The following NDC80 variants were observed in gnomAD, a reference collection of about 807,000 sequenced individuals.
NDC80 encodes kinetochore protein NDC80 homolog.
In NDC80, 69 loss-of-function variants were observed where a neutral mutation model predicts 89.3. The observed-to-expected ratio is 0.77, with a 90% CI of 0.64 to 0.94. The LOEUF is 0.94. Ranked by LOEUF, NDC80 falls within the 40% of genes least tolerant of loss-of-function variation. The probability of loss-of-function intolerance (pLI) is 0.00; values close to 1 mark genes in which losing one functional copy is unlikely to be tolerated. For missense variants in NDC80, 593 were observed against 739.6 expected, an observed-to-expected ratio of 0.80 and a Z score of 2.30; for synonymous variants, 243 against 255.6, an observed-to-expected ratio of 0.95 and a Z score of 0.47.
At chr18:2,607,425 A>G (rs1207841550) in intron 14 of NDC80, among the ~76,000 whole-genome samples, 2 of 152,156 alleles carry the variant, frequency 1.3e-5, no homozygotes, top group African/African-American at 4.8e-5. Flanking sequence ...GCTCATGGGA[A>G]AAAATCTTAA....
At chr18:2,601,626 C>T (rs1245363247) in intron 13 of NDC80, 141 bp downstream of exon 13, 15 of 392,070 alleles carry the variant, frequency 3.8e-5, no homozygotes, top group Non-Finnish European at 6.6e-5. Context: ...GGTATGCTCT[C>T]GACAGAAATA....
chr18:2,583,426 C>T (rs562399664), intron 6 of NDC80, among the ~76,000 whole-genome samples: 8 of 152,274 alleles, frequency 5.3e-5, no homozygotes, highest in African/African-American at 1.9e-4. Context: ...GTTGGCCGGG[C>T]GCAGTAGCTC....
intron 7 of NDC80, among the ~76,000 whole-genome samples, chr18:2,587,137 A>C (rs1440867948): frequency 1.3e-5 from 2 of 152,244 alleles, no homozygotes; most frequent in African/African-American, 4.8e-5. Flanking sequence ...GCAATGAATT[A>C]GCACAAAGGG....
At chr18:2,583,936 T>G (rs1184231275) in intron 6 of NDC80, among the ~76,000 whole-genome samples, 1 of 152,270 alleles carries the variant, frequency 6.6e-6, no homozygotes, top group Middle Eastern at 3.4e-3. Flanking sequence ...CGCATAGTCC[T>G]TTTCTTAGAA....
In NDC80 at chr18:2,616,581, AAT is replaced by A; in HGVS notation, c.*8_*9del. The A allele has an allele frequency of 7.3e-7, 1 of 1,360,890 alleles. No homozygotes were observed. The allele number at this position is 1,360,890 out of a possible 1,614,324, so 84.3% of individuals were successfully genotyped here. ...TAAGTCTTCTGAAGAATGAAGATAA[AAT>A]GTTGATCATGTATATATATCCATAG... On this transcript the variant is annotated 3_prime_UTR_variant, in exon 17 of 17. Transcript: ENST00000261597.
intron 10 of NDC80, among the ~76,000 whole-genome samples, chr18:2,594,034 C>G (rs2072641228): frequency 6.6e-6 from 1 of 152,200 alleles, no homozygotes; most frequent in South Asian, 2.1e-4. Context: ...ACCCGAGTAG[C>G]TGGGATTACA....
chr18:2,593,798 G>GT lies in NDC80; in HGVS notation c.1016-1614dup, dbSNP rs766382805. 104 of 262,702 alleles carry GT rather than the reference G, an allele frequency of 4.0e-4. No individual in the cohort carries two copies. In the Middle Eastern group the frequency reaches 4.2e-3, roughly 11 times the overall value. 16.3% of individuals were successfully genotyped at this position (262,702 alleles called of 1,614,324 possible). A position where few individuals can be genotyped will look rare whatever the true frequency, so the allele number is the denominator to read the frequency against. ...TGGATTTCCTACAATCCACTTATTT[G>GT]TTTTAAAACAGAATATTTCCGTCAT... On this transcript the variant is annotated intron_variant, in intron 10 of 16. Transcript: ENST00000261597.
At chr18:2,601,850 G>T (rs1290581254) in intron 13 of NDC80, among the ~76,000 whole-genome samples, 2 of 152,104 alleles carry the variant, frequency 1.3e-5, no homozygotes, top group African/African-American at 4.8e-5. Context: ...AGCTGTGATA[G>T]ATTAAGAGGT....
rs1166418963 is a variant in NDC80, at chr18:2,614,637, GAAAGAAAGAAAGAAAGAAAT to G, written c.1792-1796_1792-1777del. Among the ~76,000 whole-genome samples, 359 of 77,044 alleles carry G rather than the reference GAAAGAAAGAAAGAAAGAAAT, an allele frequency of 4.7e-3. 83 individuals are homozygous for G. The highest frequency in any genetic ancestry group is 0.017 in the Middle Eastern group (3 of 180). The allele number at this position is 77,044 out of a possible 152,430, so 50.5% of individuals were successfully genotyped here. ...AGAAAGAAAGAAAGAAAGAAAGAAAGAAAGAAAGAAAGAAAGAAATAAATTTGGCAATCCGAAAAACCAAC... is the reference window on the plus strand; with the variant it reads ...AGAAAGAAAGAAAGAAAGAAAGAAAGAAATTTGGCAATCCGAAAAACCAAC... On this transcript the variant is annotated intron_variant, in intron 16 of 16. Transcript: ENST00000261597.
intron 7 of NDC80, among the ~76,000 whole-genome samples, chr18:2,586,431 T>C (rs886466881): frequency 6.6e-6 from 1 of 152,164 alleles, no homozygotes; most frequent in Admixed American, 6.6e-5. Context: ...ACAACATCTA[T>C]TAAGTATTAA....
At chr18:2,578,562 C>T (rs1434836977) in intron 5 of NDC80, among the ~76,000 whole-genome samples, 5 of 152,000 alleles carry the variant, frequency 3.3e-5, no homozygotes, top group Non-Finnish European at 7.4e-5. Flanking sequence ...ACAGGATTCA[C>T]GCCTGGTGAA....
intron 10 of NDC80, among the ~76,000 whole-genome samples, chr18:2,591,569 GT>G (rs550266158): frequency 0.018 from 2,697 of 146,210 alleles, 53 homozygotes; most frequent in South Asian, 0.045. Flanking sequence ...TGCTGAATCT[GT>G]TTTTTTTTTC....
intron 7 of NDC80, 57 bp from the exon 8 acceptor site, chr18:2,587,773 G>T: frequency 7.2e-7 from 1 of 1,390,756 alleles, no homozygotes; most frequent in Non-Finnish European, 1.0e-6. Flanking sequence ...CTAGAAAAGT[G>T]AAACAGACCA....
chr18:2,614,538 AGGAAGGAAGGAAGGAAGGAAGGAAGG>A, intron 16 of NDC80: 1 of 5,446 alleles, frequency 1.8e-4, no homozygotes, highest in African/African-American at 1.5e-3. Flanking sequence ...GAAGGAAGGA[AGGAAGGAAGGAAGGAAGGAAGGAAGG>A]GAAAGAAAGA....
intron 13 of NDC80, among the ~76,000 whole-genome samples, chr18:2,604,234 A>C (rs979558751): frequency 6.6e-6 from 1 of 152,216 alleles, no homozygotes; most frequent in South Asian, 2.1e-4. Flanking sequence ...GTGGATTCTC[A>C]TAATACACTT....
intron 11 of NDC80, 47 bp from the exon 12 acceptor site, chr18:2,598,972 A>G (rs769011082): frequency 7.6e-6 from 11 of 1,438,230 alleles, no homozygotes; most frequent in Non-Finnish European, 9.2e-6. Flanking sequence ...AAAAAAACAT[A>G]TGGAATGGGG....
chr18:2,587,996 C>T lies in NDC80; in HGVS notation c.763+73C>T. The T allele has an allele frequency of 1.5e-5, 18 of 1,165,508 alleles. No individual in the cohort carries two copies. The South Asian group carries it at 2.3e-4, about 15-fold the overall frequency. 72.2% of individuals were successfully genotyped at this position (1,165,508 alleles called of 1,614,324 possible). On this transcript the variant is annotated intron_variant, in intron 8 of 16. Coordinates refer to ENST00000261597, the MANE Select transcript of NDC80 (RefSeq NM_006101.3). ...GCTCATGGAGTGGTAATTTATTTAC[C>T]ATATCCAGTGTTCATATGAGCTACT... is the stretch of plus-strand genomic sequence containing the variant.
rs1166917405 is a variant in NDC80, at chr18:2,589,435, A to AT, written c.870+129dup. On this transcript the variant is annotated intron_variant, in intron 9 of 16. Transcript: ENST00000261597. ...ACAAATTAAGCTTCTTAAAAGTTAA[A>AT]TTTTCACCTAGAAACTCCCAATGAA... The AT allele has an allele frequency of 7.6e-6, 5 of 657,586 alleles. No individual in the cohort carries two copies. In the African/African-American group the frequency reaches 9.2e-5, roughly 12 times the overall value. The allele number at this position is 657,586 out of a possible 1,614,324, so 40.7% of individuals were successfully genotyped here.
chr18:2,592,103 T>C (rs1039755016), intron 10 of NDC80, among the ~76,000 whole-genome samples: 5 of 152,208 alleles, frequency 3.3e-5, no homozygotes, highest in African/African-American at 1.2e-4. Context: ...TGTCAGCATA[T>C]GATCAAGAGA....
Sources: gnomAD v4.1 joint callset for allele counts (sites outside exome capture counted in the v4.1 genomes callset) on GRCh38, gnomAD v4.1.1 for gene constraint, MANE v1.5 for transcripts, NCBI Gene and HGNC (gene_info 2026-07-23, HGNC 2026-07-21) for gene names.